ATL2: variants seen among roughly 807,000 people sequenced by gnomAD.
ATL2 encodes the protein atlastin GTPase 2, also known as atlastin-2.
ATL2 carries 31 observed loss-of-function variants against 73.9 expected under a neutral mutation model. That is an observed-to-expected ratio of 0.42 (90% CI 0.32 to 0.57). The LOEUF (loss-of-function observed/expected upper bound fraction) is 0.57. Ranked by LOEUF, ATL2 falls within the 20% of genes least tolerant of loss-of-function variation. The pLI is 0.14. For synonymous variants in ATL2, 291 were observed against 237.5 expected (o/e 1.23, Z -2.07); for missense variants, 738 against 702.6 (o/e 1.05, Z -0.57).
Position 38,294,984 on chromosome 2 carries a change from T to C in ATL2, c.*1010A>G, listed in dbSNP as rs993070270. On this transcript the variant is annotated 3_prime_UTR_variant, in exon 13 of 13. Transcript: ENST00000378954. The stretch of plus-strand genomic sequence containing the variant: ...GACAAAGTCACAATAAACATTCCCA[T>C]TGAATTCCCTTGGTGGGCGGGGGGG... 1.8e-4 allele frequency: 19 copies of C among 104,486 alleles called. No homozygotes were observed. Among genetic ancestry groups the C allele is most frequent in the South Asian group, 3.8e-4 (1 of 2,606 alleles). 6.5% of individuals were successfully genotyped at this position (104,486 alleles called of 1,614,324 possible).
intron 2 of ATL2, among the ~76,000 whole-genome samples, chr2:38,321,727 T>G (rs2148442117): frequency 6.6e-6 from 1 of 152,268 alleles, no homozygotes; most frequent in South Asian, 2.1e-4. Flanking sequence ...TTTTTTCTTT[T>G]TTTGAGACAG....
At chr2:38,370,939 C>A (rs1464159001) in intron 1 of ATL2, among the ~76,000 whole-genome samples, 3 of 148,848 alleles carry the variant, frequency 2.0e-5, no homozygotes, top group Non-Finnish European at 4.4e-5. Context: ...GCCTGTGCAA[C>A]AAGGCTAGCC....
At chr2:38,346,475 C>A (rs1670021797) in intron 1 of ATL2, among the ~76,000 whole-genome samples, 1 of 152,186 alleles carries the variant, frequency 6.6e-6, no homozygotes, top group Non-Finnish European at 1.5e-5. Context: ...TGGTGCTATT[C>A]TTCTCTTTAA....
At chr2:38,297,289 T>C (rs1355282593) in intron 12 of ATL2, among the ~76,000 whole-genome samples, 2 of 152,190 alleles carry the variant, frequency 1.3e-5, no homozygotes, top group East Asian at 3.8e-4. Context: ...ATCCTAGATC[T>C]TCAAAATAAG....
chr2:38,320,754 C>T (rs919003682), intron 2 of ATL2, among the ~76,000 whole-genome samples: 2 of 151,904 alleles, frequency 1.3e-5, no homozygotes, highest in Non-Finnish European at 2.9e-5. Flanking sequence ...AATTACAAAG[C>T]GTGAATTAGG....
intron 10 of ATL2, 29 bp downstream of exon 10, chr2:38,300,243 A>T: frequency 1.3e-6 from 2 of 1,529,220 alleles, no homozygotes; most frequent in Non-Finnish European, 1.8e-6. Flanking sequence ...AAGTATATGT[A>T]CAACACATAT....
At chr2:38,371,374 A>G (rs1671680457) in intron 1 of ATL2, among the ~76,000 whole-genome samples, 1 of 152,026 alleles carries the variant, frequency 6.6e-6, no homozygotes, top group South Asian at 2.1e-4. Context: ...CAGGTGTGGT[A>G]GCACACTCCT....
chr2:38,357,830 T>C (rs1670767138), intron 1 of ATL2, among the ~76,000 whole-genome samples: 1 of 152,084 alleles, frequency 6.6e-6, no homozygotes, highest in South Asian at 2.1e-4. Flanking sequence ...TTAGCCTCAA[T>C]ACTTAAAATT....
chr2:38,359,191 C>CA (rs1670862759), intron 1 of ATL2, among the ~76,000 whole-genome samples: 2 of 152,154 alleles, frequency 1.3e-5, no homozygotes, highest in African/African-American at 2.4e-5. Flanking sequence ...TTAAAGAGGG[C>CA]AGCTGCAGTG....
chr2:38,317,984 T>C (rs1016550372), intron 4 of ATL2, among the ~76,000 whole-genome samples: 2 of 152,168 alleles, frequency 1.3e-5, no homozygotes, highest in African/African-American at 4.8e-5. Context: ...GCTTCCTTTT[T>C]TTTCCCTTCA....
chr2:38,305,850 C>T (rs1667422185), intron 9 of ATL2, among the ~76,000 whole-genome samples: 1 of 151,646 alleles, frequency 6.6e-6, no homozygotes, highest in Non-Finnish European at 1.5e-5. Flanking sequence ...AAATAAACAA[C>T]CTAACCATAC....
chr2:38,338,265 C>T (rs1036684708), intron 2 of ATL2, among the ~76,000 whole-genome samples: 3 of 152,008 alleles, frequency 2.0e-5, no homozygotes, highest in Admixed American at 6.6e-5. Flanking sequence ...AGGGTACTCA[C>T]GTACACAAAG....
chr2:38,368,693 A>T (rs1161407948), intron 1 of ATL2, among the ~76,000 whole-genome samples: 2 of 152,268 alleles, frequency 1.3e-5, no homozygotes, highest in Non-Finnish European at 2.9e-5. Context: ...ATACAAAATT[A>T]AAAAGCAAAT....
In ATL2 at chr2:38,357,424, G is replaced by C. The variant is rs575419427; in HGVS notation, c.119-13912C>G. 4.0e-5 allele frequency among the ~76,000 whole-genome samples: 6 copies of C among 150,830 alleles called. No individual in the cohort carries two copies. The South Asian group carries it at 8.4e-4, about 21-fold the overall frequency. ...TCCTACAGAACCCTCAGTCAGAAAT[G>C]TTTCCTATCACATTTGGGATTAAGG... is the stretch of plus-strand genomic sequence containing the variant. On this transcript the variant is annotated intron_variant, in intron 1 of 12. Transcript: ENST00000378954.
intron 4 of ATL2, among the ~76,000 whole-genome samples, chr2:38,316,158 C>A (rs191919057): frequency 1.3e-5 from 2 of 152,264 alleles, no homozygotes; most frequent in East Asian, 3.9e-4. Flanking sequence ...GTTCTAGGAG[C>A]AAATAAGTGA....
intron 2 of ATL2, among the ~76,000 whole-genome samples, chr2:38,325,223 A>T (rs1430478420): frequency 1.3e-5 from 2 of 152,218 alleles, no homozygotes; most frequent in Non-Finnish European, 2.9e-5. Context: ...AACAAGAGAA[A>T]AGCTTAGCAA....
intron 2 of ATL2, among the ~76,000 whole-genome samples, chr2:38,327,656 T>C (rs4439940): frequency 0.86 from 130,654 of 152,178 alleles, 56,585 homozygotes; most frequent in East Asian, 1. Context: ...AAGAAACTGT[T>C]GGCCGGGCAC....
At chr2:38,300,975 C>CTTT (rs111531452) in intron 9 of ATL2, among the ~76,000 whole-genome samples, 20 of 141,344 alleles carry the variant, frequency 1.4e-4, no homozygotes, top group African/African-American at 5.1e-4. Context: ...TCTCAACTTT[C>CTTT]TTTTTTTTTT....
intron 9 of ATL2, among the ~76,000 whole-genome samples, chr2:38,308,491 T>C (rs1667573604): frequency 6.6e-6 from 1 of 152,076 alleles, no homozygotes; most frequent in African/African-American, 2.4e-5. Context: ...GAGGCAGAGA[T>C]GGTTAATGGG....
Sources: allele counts gnomAD v4.1 joint callset (sites outside exome capture counted in the v4.1 genomes callset), GRCh38; gene constraint gnomAD v4.1.1; transcripts MANE v1.5; gene names NCBI Gene and HGNC (gene_info 2026-07-23, HGNC 2026-07-21).